Variants in MEI4 observed in about 807,000 individuals in gnomAD.
MEI4 encodes meiotic double-stranded break formation protein 4.
A neutral mutation model predicts 31.4 loss-of-function variants in MEI4; 27 were observed. That is an observed-to-expected ratio of 0.86 (90% CI 0.63 to 1.19). The LOEUF is 1.19. MEI4 is among the 50% of genes most tolerant of loss of function. MEI4 has a pLI of 0.00. For synonymous variants in MEI4, 122 were observed against 145.4 expected (o/e 0.84, Z 1.16); for missense variants, 329 against 398.9 (o/e 0.82, Z 1.49).
At chr6:77,787,909 C>A (rs1768789699) in intron 3 of MEI4, among the ~76,000 whole-genome samples, 1 of 152,064 alleles carries the variant, frequency 6.6e-6, no homozygotes, top group South Asian at 2.1e-4. Flanking sequence ...ATTTGGTTTG[C>A]CAATATTGAG....
At chr6:77,670,836 A>G (rs1768724745) in intron 1 of MEI4, among the ~76,000 whole-genome samples, 2 of 152,044 alleles carry the variant, frequency 1.3e-5, no homozygotes, top group South Asian at 4.2e-4. Flanking sequence ...CATTTTACTT[A>G]TTTTGTGGCC....
At chr6:77,659,949 AG>A (rs1238771216) in intron 1 of MEI4, among the ~76,000 whole-genome samples, 1 of 152,194 alleles carries the variant, frequency 6.6e-6, no homozygotes, top group African/African-American at 2.4e-5. Flanking sequence ...AGTTAATATA[AG>A]GAGAAAGGTT....
At position 77,909,351 on chromosome 6, in the gene MEI4, C is replaced by T. The variant is rs551687624; in HGVS notation, c.901-13738C>T. Among the ~76,000 whole-genome samples the T allele has an allele frequency of 2.7e-4, 41 of 151,992 alleles. 1 individual carries two copies. The highest frequency in any genetic ancestry group is 7.2e-4 in the Admixed American group (11 of 15,224). Reference sequence around the variant, plus strand: ...AGAAAAGAGAGAAGAGTCAAACAAACGCAATAAAAAATGATAAAGGGGATA... The same window carrying T: ...AGAAAAGAGAGAAGAGTCAAACAAATGCAATAAAAAATGATAAAGGGGATA... On this transcript the variant is annotated intron_variant, in intron 4 of 4. Coordinates refer to ENST00000684080, the MANE Select transcript of MEI4 (RefSeq NM_001322247.2).
chr6:77,791,737 A>G (rs1768942502), intron 3 of MEI4, among the ~76,000 whole-genome samples: 1 of 152,142 alleles, frequency 6.6e-6, no homozygotes, highest in South Asian at 2.1e-4. Flanking sequence ...GCTAACTGAC[A>G]GTGTTATTAT....
chr6:77,771,945 TAAGAG>T (rs1472379135), intron 3 of MEI4, among the ~76,000 whole-genome samples: 9 of 152,066 alleles, frequency 5.9e-5, no homozygotes, highest in Admixed American at 5.9e-4. Context: ...AAATAAAAGT[TAAGAG>T]AAAATTATAC....
chr6:77,743,692 C>T (rs1021197264), intron 2 of MEI4, among the ~76,000 whole-genome samples: 5 of 152,292 alleles, frequency 3.3e-5, no homozygotes, highest in South Asian at 2.1e-4. Flanking sequence ...CCCTGACCCC[C>T]GAGCAGCCTA....
chr6:77,695,565 G>C (rs1766008863), intron 2 of MEI4, among the ~76,000 whole-genome samples: 1 of 152,196 alleles, frequency 6.6e-6, no homozygotes, highest in African/African-American at 2.4e-5. Flanking sequence ...TCAAAGATCA[G>C]ATAGTTGTAG....
intron 4 of MEI4, among the ~76,000 whole-genome samples, chr6:77,874,239 A>G (rs575353001): frequency 1.5e-3 from 223 of 152,350 alleles, no homozygotes; most frequent in African/African-American, 5.1e-3. Context: ...ACCCATGAGC[A>G]TGGAATGTTC....
At chr6:77,910,921 T>C (rs528080579) in intron 4 of MEI4, among the ~76,000 whole-genome samples, 1 of 105,924 alleles carries the variant, frequency 9.4e-6, no homozygotes, top group African/African-American at 3.8e-5. Flanking sequence ...CTCACCAGCT[T>C]CTGGTTTTTT....
At chr6:77,791,317 G>T (rs574013086) in intron 3 of MEI4, among the ~76,000 whole-genome samples, 2 of 152,054 alleles carry the variant, frequency 1.3e-5, no homozygotes, top group Admixed American at 6.6e-5. Context: ...TTAAGAAAAT[G>T]TGGCACATAT....
intron 2 of MEI4, among the ~76,000 whole-genome samples, chr6:77,700,038 G>A (rs879271022): frequency 3.3e-5 from 5 of 152,228 alleles, no homozygotes; most frequent in East Asian, 1.9e-4. Flanking sequence ...GGCTTCTCGC[G>A]GGTCAGGGAC....
At chr6:77,731,317 A>G (rs1302058918) in intron 2 of MEI4, among the ~76,000 whole-genome samples, 22 of 149,530 alleles carry the variant, frequency 1.5e-4, no homozygotes, top group Non-Finnish European at 4.5e-5. Flanking sequence ...AATGATTGCC[A>G]TTCTAACTGG....
At chr6:77,763,156 G>A (rs1344421444) in intron 3 of MEI4, among the ~76,000 whole-genome samples, 2 of 152,042 alleles carry the variant, frequency 1.3e-5, no homozygotes, top group Non-Finnish European at 2.9e-5. Flanking sequence ...GGAGGATAAT[G>A]TGTAGAATAA....
At chr6:77,656,219 G>GAGAT (rs1321805880) in intron 1 of MEI4, among the ~76,000 whole-genome samples, 2 of 152,256 alleles carry the variant, frequency 1.3e-5, no homozygotes, top group Non-Finnish European at 2.9e-5. Flanking sequence ...GTTGGAGAGA[G>GAGAT]AGATATGGCT....
intron 1 of MEI4, among the ~76,000 whole-genome samples, chr6:77,685,063 A>G (rs974705670): frequency 6.6e-6 from 1 of 152,170 alleles, no homozygotes; most frequent in African/African-American, 2.4e-5. Flanking sequence ...ATGAGACGAT[A>G]TCTAATTGTA....
At chr6:77,806,972 G>A (rs535992019) in intron 3 of MEI4, among the ~76,000 whole-genome samples, 1 of 152,158 alleles carries the variant, frequency 6.6e-6, no homozygotes, top group East Asian at 1.9e-4. Context: ...TTTCGTATCT[G>A]ACCTTTTAAG....
intron 4 of MEI4, among the ~76,000 whole-genome samples, chr6:77,863,566 G>T (rs1770930270): frequency 6.6e-6 from 1 of 152,184 alleles, no homozygotes; most frequent in Non-Finnish European, 1.5e-5. Flanking sequence ...AAGCCTCCAA[G>T]AAATATGGGA....
chr6:77,712,934 G>C (rs1766499099), intron 2 of MEI4, among the ~76,000 whole-genome samples: 3 of 151,206 alleles, frequency 2.0e-5, no homozygotes, highest in Admixed American at 2.0e-4. Flanking sequence ...TAGGGCCACT[G>C]CATTCCAGCC....
chr6:77,923,181 C>CAACACTTCAAGTAT lies in MEI4; in HGVS notation c.995_1008dup (p.Gly337ThrfsTer5). 8.1e-7 allele frequency: 1 copy of CAACACTTCAAGTAT among 1,230,586 alleles called. No individual in the cohort carries two copies. The highest frequency in any genetic ancestry group is 1.0e-6 in the Non-Finnish European group (1 of 986,944). 76.2% of individuals were successfully genotyped at this position (1,230,586 alleles called of 1,614,324 possible). On this transcript the variant is annotated frameshift_variant, in exon 5 of 5. Coordinates refer to ENST00000684080, the MANE Select transcript of MEI4 (RefSeq NM_001322247.2). LOFTEE classifies it high-confidence loss of function. ...TTCTTCAAAAGGAAACCGAAGAAGG[C>CAACACTTCAAGTAT]AACACTTCAAGTATAGGTCATGATG...
Sources: allele counts gnomAD v4.1 joint callset (sites outside exome capture counted in the v4.1 genomes callset), GRCh38; gene constraint gnomAD v4.1.1; transcripts MANE v1.5; gene names NCBI Gene and HGNC (gene_info 2026-07-23, HGNC 2026-07-21).